The following CELA1 variants were observed in gnomAD, a reference collection of about 807,000 sequenced individuals.
CELA1 encodes chymotrypsin like elastase 1, also known as chymotrypsin-like elastase family member 1.
A neutral mutation model predicts 34.8 loss-of-function variants in CELA1; 28 were observed. The observed-to-expected ratio is 0.80, with a 90% CI of 0.60 to 1.10. The LOEUF (loss-of-function observed/expected upper bound fraction) is 1.10. Ranked by LOEUF, CELA1 falls within the 50% of genes least tolerant of loss-of-function variation. The probability of loss-of-function intolerance (pLI) is 0.00; values close to 1 mark genes in which losing one functional copy is unlikely to be tolerated. For synonymous variants in CELA1, 140 were observed against 129.8 expected (o/e 1.08, Z -0.53); for missense variants, 288 against 327.5 (o/e 0.88, Z 0.93).
chr12:51,344,004 G>A (rs977198964), intron 2 of CELA1, 151 bp from the exon 3 acceptor site: 4 of 607,602 alleles, frequency 6.6e-6, no homozygotes, highest in African/African-American at 3.7e-5. Context: ...AGACCAGCCT[G>A]GGCAACATAG....
chr12:51,333,217 C>T (rs1224936613), intron 6 of CELA1, among the ~76,000 whole-genome samples: 1 of 151,776 alleles, frequency 6.6e-6, no homozygotes, highest in Non-Finnish European at 1.5e-5. Flanking sequence ...GCCTCAGCCT[C>T]CCAAGTAGCT....
At chr12:51,343,982 C>T in intron 2 of CELA1, 129 bp from the exon 3 acceptor site, 2 of 639,932 alleles carry the variant, frequency 3.1e-6, no homozygotes, top group Non-Finnish European at 5.7e-6. Flanking sequence ...ATCAGTTGAG[C>T]CTAGGAGCTG....
intron 6 of CELA1, among the ~76,000 whole-genome samples, chr12:51,331,663 C>T (rs1946470479): frequency 6.6e-6 from 1 of 152,162 alleles, no homozygotes; most frequent in African/African-American, 2.4e-5. Context: ...AAATAAACAA[C>T]ATTTTCTGGA....
intron 6 of CELA1, among the ~76,000 whole-genome samples, chr12:51,331,272 C>A (rs1221294266): frequency 6.6e-6 from 1 of 152,028 alleles, no homozygotes; most frequent in Non-Finnish European, 1.5e-5. Context: ...GCCTGTAATC[C>A]CAGTTACTCA....
At position 51,328,493 on chromosome 12, in the gene CELA1, C is replaced by A; in HGVS notation, c.*84G>T. 1 of 1,358,228 alleles carries A rather than the reference C, an allele frequency of 7.4e-7. No individual in the cohort carries two copies. Among genetic ancestry groups the A allele is most frequent in the South Asian group, 1.2e-5 (1 of 85,162 alleles). The allele number at this position is 1,358,228 out of a possible 1,614,324, so 84.1% of individuals were successfully genotyped here. A position where few individuals can be genotyped will look rare whatever the true frequency, so the allele number is the denominator to read the frequency against. ...TTCTATCAATGGCTCAATAGTCTTTCAGAATGTGTTTTACTTTTTGATCGC... is the reference window on the plus strand; with the variant it reads ...TTCTATCAATGGCTCAATAGTCTTTAAGAATGTGTTTTACTTTTTGATCGC... On this transcript the variant is annotated 3_prime_UTR_variant, in exon 8 of 8. Transcript: ENST00000293636.
intron 6 of CELA1, among the ~76,000 whole-genome samples, chr12:51,331,612 C>T (rs1946470305): frequency 6.6e-6 from 1 of 152,070 alleles, no homozygotes; most frequent in African/African-American, 2.4e-5. Flanking sequence ...AACAGAAATT[C>T]TAGAAAGAGA....
chr12:51,342,628 A>G lies in CELA1; in HGVS notation c.273T>C (p.Ser91=), dbSNP rs200325058. The change falls in exon 4 of 8, where the codon AGT becomes AGC. Residue 91 remains serine, a synonymous_variant. Coordinates refer to ENST00000293636, the MANE Select transcript of CELA1 (RefSeq NM_001971.6). ...SQNDGTEQYV[S]VQKIVVHPYW... The stretch of plus-strand genomic sequence containing the variant: ...ATGGATGCACCACGATCTTCTGCAC[A>G]CTCACGTACTGCTCAGTGCCATCAT... 4.3e-6 allele frequency: 7 copies of G among 1,613,966 alleles called. No homozygotes were observed. In the Admixed American group the frequency reaches 6.7e-5, roughly 15 times the overall value.
intron 6 of CELA1, among the ~76,000 whole-genome samples, chr12:51,338,874 G>A (rs967406378): frequency 6.6e-6 from 1 of 152,028 alleles, no homozygotes; most frequent in Non-Finnish European, 1.5e-5. Context: ...CACTTTGGGA[G>A]GCCAATGTGG....
intron 6 of CELA1, among the ~76,000 whole-genome samples, chr12:51,338,343 G>A (rs761188107): frequency 3.4e-5 from 5 of 147,506 alleles, no homozygotes; most frequent in Non-Finnish European, 7.4e-5. Flanking sequence ...TGTAATAACT[G>A]TTCTAAGCTC....
chr12:51,333,733 C>G (rs1946485256), intron 6 of CELA1, among the ~76,000 whole-genome samples: 1 of 152,126 alleles, frequency 6.6e-6, no homozygotes, highest in African/African-American at 2.4e-5. Flanking sequence ...GTACTCCACC[C>G]TAACTGCTAT....
At chr12:51,339,556 A>T (rs1946520646) in intron 6 of CELA1, among the ~76,000 whole-genome samples, 1 of 152,198 alleles carries the variant, frequency 6.6e-6, no homozygotes, top group Non-Finnish European at 1.5e-5. Context: ...CATCTCAAAA[A>T]AAAAATCTAG....
In CELA1 at chr12:51,345,463, G is replaced by A. The variant is rs542441428; in HGVS notation, c.99+332C>T. On this transcript the variant is annotated intron_variant, in intron 2 of 7. Transcript: ENST00000293636. ...ACACACACAGTGTGGAGTGGTGTGC[G>A]TGTGAGTTTCAAGGTATGTGGAGTC... Among the ~76,000 whole-genome samples, 14 of 152,364 alleles carry A rather than the reference G, an allele frequency of 9.2e-5. No individual in the cohort carries two copies. In the South Asian group the frequency reaches 1.4e-3, roughly 16 times the overall value.
At chr12:51,333,272 T>G (rs1178382485) in intron 6 of CELA1, among the ~76,000 whole-genome samples, 1 of 152,084 alleles carries the variant, frequency 6.6e-6, no homozygotes. Context: ...TTTTGCATTT[T>G]TAGTAGAGAT....
At chr12:51,331,398 AC>A (rs1272119007) in intron 6 of CELA1, among the ~76,000 whole-genome samples, 1 of 152,222 alleles carries the variant, frequency 6.6e-6, no homozygotes, top group African/African-American at 2.4e-5. Flanking sequence ...CAAAACAAAC[AC>A]ACAAACAAAA....
chr12:51,342,038 G>A (rs1475067430), intron 4 of CELA1, among the ~76,000 whole-genome samples: 8 of 152,076 alleles, frequency 5.3e-5, no homozygotes, highest in Non-Finnish European at 1.0e-4. Context: ...CCTCCAGAAC[G>A]TCAGTTCTCT....
rs754162384 is a variant in CELA1 at position 51,341,304 on chromosome 12, C to T, written c.403G>A (p.Glu135Lys). 9 of 1,614,204 alleles carry T rather than the reference C, an allele frequency of 5.6e-6. No homozygotes were observed. Among genetic ancestry groups the T allele is most frequent in the Admixed American group, 1.7e-5 (1 of 60,022 alleles). ...CTGTTGTTAGCCAGGATGGCTCCCT[C>T]CTGGGGCAGAACACCCAGCTGGACA... ...SYVQLGVLPQ[E>K]GAILANNSPC... Residue 135 changes from glutamate (E) to lysine (K), a missense_variant, in exon 5 of 8, where the codon GAG (glutamate) becomes AAG (lysine). Physicochemically the swap from Glu to Lys is moderately conservative, Grantham distance 56 (BLOSUM62 1). Coordinates refer to ENST00000293636, the MANE Select transcript of CELA1 (RefSeq NM_001971.6).
At chr12:51,334,778 C>T (rs557502001) in intron 6 of CELA1, among the ~76,000 whole-genome samples, 18 of 152,200 alleles carry the variant, frequency 1.2e-4, no homozygotes, top group Non-Finnish European at 2.4e-4. Context: ...GCCAGCTTCT[C>T]TCTCTCCTCC....
chr12:51,339,474 C>T (rs1946519658), intron 6 of CELA1, among the ~76,000 whole-genome samples: 1 of 152,158 alleles, frequency 6.6e-6, no homozygotes, highest in Non-Finnish European at 1.5e-5. Context: ...ATTGCTTGAA[C>T]CCAGAGGCGG....
Position 51,343,733 on chromosome 12 carries a change from CT to C in CELA1, c.200+19del. 1 of 1,461,188 alleles carries C rather than the reference CT, an allele frequency of 6.8e-7. No individual in the cohort carries two copies. The highest frequency in any genetic ancestry group is 9.6e-7 in the Non-Finnish European group (1 of 1,042,160). The allele number at this position is 1,461,188 out of a possible 1,614,324, so 90.5% of individuals were successfully genotyped here. On this transcript the variant is annotated intron_variant, in intron 3 of 7. Transcript: ENST00000293636. ...TTCCCCTTCCAGGGGCCCAGGAAAG[CT>C]TGTCTTTGTTTTTCTTACTAATCCA...
Sources: allele counts gnomAD v4.1 joint callset (sites outside exome capture counted in the v4.1 genomes callset), GRCh38; gene constraint gnomAD v4.1.1; transcripts MANE v1.5; gene names NCBI Gene and HGNC (gene_info 2026-07-23, HGNC 2026-07-21).